Variants in SCAMP5 observed in about 807,000 individuals in gnomAD.
The protein encoded by SCAMP5 is secretory carrier membrane protein 5.
Under a neutral mutation model 28.3 loss-of-function variants are expected in SCAMP5, and 7 were observed. The observed-to-expected ratio is 0.25, with a 90% CI of 0.14 to 0.46. The LOEUF (loss-of-function observed/expected upper bound fraction) is 0.46, where lower values mean the gene tolerates loss of function less well. Ranked by LOEUF, SCAMP5 falls within the 20% of genes least tolerant of loss-of-function variation. The probability of loss-of-function intolerance (pLI) is 0.99; values close to 1 mark genes in which losing one functional copy is unlikely to be tolerated. For missense variants in SCAMP5, 192 were observed against 312.5 expected (o/e 0.61, Z 2.91); for synonymous variants, 117 against 116.4 (o/e 1.00, Z -0.03).
rs151243866 is a variant in SCAMP5 at position 75,016,439 on chromosome 15, G to T, written c.137-154G>T. 1.6e-3 allele frequency among the ~76,000 whole-genome samples: 240 copies of T among 152,288 alleles called. 1 individual carries two copies. The highest frequency in any genetic ancestry group is 3.2e-3 in the Admixed American group (49 of 15,304). ...TGGGTGTGAATCTGTGAATGTGTCT[G>T]CATCTCTCTGTGCTTGTCTGCGCTG... On this transcript the variant is annotated intron_variant, in intron 3 of 6. Coordinates refer to ENST00000425597, the MANE Select transcript of SCAMP5 (RefSeq NM_138967.4).
In SCAMP5 at chr15:75,011,709, T is replaced by C. The variant is rs1041417575; in HGVS notation, c.-48-83T>C. 19 of 662,268 alleles carry C rather than the reference T, an allele frequency of 2.9e-5. No homozygotes were observed. In the African/African-American group the frequency reaches 3.2e-4, roughly 11 times the overall value. The allele number at this position is 662,268 out of a possible 1,614,324, so 41.0% of individuals were successfully genotyped here. A position where few individuals can be genotyped will look rare whatever the true frequency, so the allele number is the denominator to read the frequency against. ...TGTGCTGGGTCCTGTCCTGGGGAGC[T>C]TGCAGCCCAGATGAGGAGTAGAGAG... is the stretch of plus-strand genomic sequence containing the variant. On this transcript the variant is annotated intron_variant, in intron 1 of 6. Coordinates refer to ENST00000425597, the MANE Select transcript of SCAMP5 (RefSeq NM_138967.4).
Position 75,018,968 on chromosome 15 carries a change from C to T in SCAMP5, c.693C>T (p.Tyr231=), listed in dbSNP as rs2065883052. The change falls in exon 7 of 7, where the codon TAC becomes TAT. Residue 231 remains tyrosine, a synonymous_variant. Transcript: ENST00000425597. This position sits in a 1 kb window ranked among gnomAD's most constrained non-coding sequence, Gnocchi z 5.6. ...TQYSATPNYT[Y]SNEM Reference sequence around the variant, plus strand: ...ATTCCGCCACCCCCAATTACACGTACTCCAATGAGATGTGAACCAGCCACG... The same window carrying T: ...ATTCCGCCACCCCCAATTACACGTATTCCAATGAGATGTGAACCAGCCACG... 1.3e-6 allele frequency: 2 copies of T among 1,524,216 alleles called. No individual in the cohort carries two copies. The highest frequency in any genetic ancestry group is 1.7e-6 in the Non-Finnish European group (2 of 1,143,894). The allele number at this position is 1,524,216 out of a possible 1,614,324, so 94.4% of individuals were successfully genotyped here. A position where few individuals can be genotyped will look rare whatever the true frequency, so the allele number is the denominator to read the frequency against.
At chr15:75,008,358 G>A (rs75049014) in intron 1 of SCAMP5, among the ~76,000 whole-genome samples, 2,239 of 151,754 alleles carry the variant, frequency 0.015, 29 homozygotes, top group Middle Eastern at 0.021. Context: ...GCAAAAATAA[G>A]CAAATTCATA....
intron 3 of SCAMP5, among the ~76,000 whole-genome samples, chr15:75,016,224 G>T (rs375876790): frequency 3.9e-5 from 6 of 152,248 alleles, no homozygotes; most frequent in African/African-American, 1.4e-4. Flanking sequence ...AAAGGGGCTT[G>T]CTGGGCAGAA....
At chr15:75,002,358 C>G (rs529623344) in intron 1 of SCAMP5, among the ~76,000 whole-genome samples, 1 of 152,062 alleles carries the variant, frequency 6.6e-6, no homozygotes, top group African/African-American at 2.4e-5. Context: ...TGCAACCTTT[C>G]TATGTATCCT....
chr15:75,017,635 G>C (rs1181845681), intron 4 of SCAMP5: 1 of 594,892 alleles, frequency 1.7e-6, no homozygotes, highest in Non-Finnish European at 3.0e-6. Flanking sequence ...CCATGTACCA[G>C]TGGGTGGTCT....
chr15:75,015,551 A>G (rs1205146208), intron 3 of SCAMP5, among the ~76,000 whole-genome samples: 3 of 152,022 alleles, frequency 2.0e-5, no homozygotes, highest in African/African-American at 4.8e-5. Context: ...AGGTCTGTAG[A>G]AGGTCAGAGG....
intron 1 of SCAMP5, among the ~76,000 whole-genome samples, chr15:74,998,596 A>C: frequency 1.4e-5 from 2 of 145,176 alleles, no homozygotes; most frequent in Admixed American, 7.0e-5. Flanking sequence ...ACAGAGTGAA[A>C]CTCCATCTCA....
chr15:75,016,815 A>G (rs2065863604), intron 4 of SCAMP5, 66 bp downstream of exon 4: 2 of 1,284,186 alleles, frequency 1.6e-6, no homozygotes, highest in South Asian at 3.0e-5. Context: ...TCTTCTCCAT[A>G]TCTTTTCTCA....
chr15:75,013,298 C>G (rs1209431554), intron 3 of SCAMP5, among the ~76,000 whole-genome samples: 1 of 152,184 alleles, frequency 6.6e-6, no homozygotes. Flanking sequence ...TCAAGTTTGC[C>G]TGGTCACTGT....
At chr15:75,006,646 C>T (rs950540002) in intron 1 of SCAMP5, among the ~76,000 whole-genome samples, 4 of 151,996 alleles carry the variant, frequency 2.6e-5, no homozygotes, top group African/African-American at 9.7e-5. Context: ...AAAAATTCGC[C>T]AGGTGTGGTG....
intron 1 of SCAMP5, among the ~76,000 whole-genome samples, chr15:75,004,848 T>G (rs2065741434): frequency 6.6e-6 from 1 of 152,118 alleles, no homozygotes; most frequent in African/African-American, 2.4e-5. Context: ...TTTCTCTAGT[T>G]GTCCTAAAAA....
Position 75,018,519 on chromosome 15 carries a change from T to G in SCAMP5, c.497T>G (p.Phe166Cys), listed in dbSNP as rs752910107. ...VMFTVMAVFS[F>C]IALSMVHKFY... ...TTCACAGTGATGGCCGTCTTTTCCT[T>G]CATCGCCCTCAGCATGGTACGTGGT... is the stretch of plus-strand genomic sequence containing the variant. The change falls in exon 6 of 7, where the codon TTC (phenylalanine) becomes TGC (cysteine). Residue 166 changes from phenylalanine to cysteine, a missense_variant. Phe to Cys is a radical substitution (Grantham distance 205). Transcript: ENST00000425597. The surrounding 1 kb of genome is among the most constrained non-coding windows in gnomAD (Gnocchi z 5.6). 3 of 1,609,826 alleles carry G rather than the reference T, an allele frequency of 1.9e-6. No individual in the cohort carries two copies. The highest frequency in any genetic ancestry group is 1.7e-5 in the Admixed American group (1 of 59,998).
chr15:75,016,810 T>C, intron 4 of SCAMP5, 61 bp downstream of exon 4: 3 of 1,348,208 alleles, frequency 2.2e-6, no homozygotes, highest in Non-Finnish European at 3.0e-6. Context: ...CTGTCTCTTC[T>C]CCATATCTTT....
rs540972318 is a variant in SCAMP5, at chr15:75,015,821, G to C, written c.137-772G>C. On this transcript the variant is annotated intron_variant, in intron 3 of 6. Transcript: ENST00000425597. The stretch of plus-strand genomic sequence containing the variant: ...GGCACCTGTAATCCCAGCTACTCAG[G>C]AGGCTGAAGCAGGAGAATCGCTTGA... 9.9e-5 allele frequency among the ~76,000 whole-genome samples: 15 copies of C among 151,484 alleles called. No homozygotes were observed. The East Asian group carries it at 2.7e-3, about 27-fold the overall frequency.
chr15:75,013,491 G>A (rs1308119291), intron 3 of SCAMP5, among the ~76,000 whole-genome samples: 1 of 152,140 alleles, frequency 6.6e-6, no homozygotes, highest in East Asian at 1.9e-4. Context: ...TTGAGGTAAG[G>A]AGTTTAAGAC....
chr15:75,000,726 T>C (rs1030087327), intron 1 of SCAMP5, among the ~76,000 whole-genome samples: 3 of 145,822 alleles, frequency 2.1e-5, no homozygotes, highest in Admixed American at 7.0e-5. Flanking sequence ...ATAAAATCCT[T>C]CAGTGGCTCC....
intron 1 of SCAMP5, among the ~76,000 whole-genome samples, chr15:75,005,460 CAAAA>C (rs762990882): frequency 6.2e-4 from 61 of 97,916 alleles, no homozygotes; most frequent in African/African-American, 2.0e-3. Context: ...AACTCCGTTT[CAAAA>C]AAAAAAAAAA....
rs867795093 is a variant in SCAMP5 at position 75,018,297 on chromosome 15, G to A, written c.396-121G>A. 1.3e-6 allele frequency: 1 copy of A among 748,504 alleles called. No homozygotes were observed. Among genetic ancestry groups the A allele is most frequent in the Non-Finnish European group, 2.5e-6 (1 of 407,992 alleles). The allele number at this position is 748,504 out of a possible 1,614,324, so 46.4% of individuals were successfully genotyped here. A position where few individuals can be genotyped will look rare whatever the true frequency, so the allele number is the denominator to read the frequency against. On this transcript the variant is annotated intron_variant, in intron 5 of 6. Transcript: ENST00000425597. This position sits in a 1 kb window ranked among gnomAD's most constrained non-coding sequence, Gnocchi z 5.6. ...AGGTTCTTTGGGTATCAGTAAGATG[G>A]TCCCTCTGCATCCAGTGATATGTTT...
Sources: allele counts gnomAD v4.1 joint callset (sites outside exome capture counted in the v4.1 genomes callset), GRCh38; gene constraint gnomAD v4.1.1; non-coding constraint Gnocchi (gnomAD v3.1); transcripts MANE v1.5; gene names NCBI Gene and HGNC (gene_info 2026-07-23, HGNC 2026-07-21).